The following RBFOX1 variants were observed in gnomAD, a reference collection of about 807,000 sequenced individuals.
RBFOX1 encodes the protein RNA binding fox-1 homolog 1.
RBFOX1 carries 8 observed loss-of-function variants against 57.7 expected under a neutral mutation model. The ratio of observed to expected loss-of-function variants is 0.14; its 90% CI spans 0.08 to 0.25. The LOEUF (loss-of-function observed/expected upper bound fraction) is 0.25, where lower values mean the gene tolerates loss of function less well. Among genes scored for constraint, RBFOX1 ranks in the 10% least tolerant of loss-of-function variants. RBFOX1 has a pLI of 1.00. For missense variants in RBFOX1, 611 were observed against 548.5 expected, an observed-to-expected ratio of 1.11 and a Z score of -1.14; for synonymous variants, 326 against 222.4, an observed-to-expected ratio of 1.47 and a Z score of -4.15.
At chr16:6,067,194 C>A (rs992647972) in intron 1 of RBFOX1, among the ~76,000 whole-genome samples, 1 of 152,164 alleles carries the variant, frequency 6.6e-6, no homozygotes, top group Non-Finnish European at 1.5e-5. Flanking sequence ...GAACTCCTTA[C>A]GTCCTCGATT....
chr16:5,492,931 T>A (rs889180924), intron 2 of RBFOX1, among the ~76,000 whole-genome samples: 10 of 152,212 alleles, frequency 6.6e-5, no homozygotes, highest in Non-Finnish European at 1.3e-4. Flanking sequence ...CCTGTTCACT[T>A]CTTTTGACCC....
At chr16:6,024,002 G>A (rs186096171) in intron 1 of RBFOX1, among the ~76,000 whole-genome samples, 3 of 152,310 alleles carry the variant, frequency 2.0e-5, no homozygotes, top group South Asian at 2.1e-4. Context: ...TCGGTCGTAG[G>A]GCTAGGAGTT....
chr16:6,841,866 C>T (rs931107249), intron 3 of RBFOX1, among the ~76,000 whole-genome samples: 74 of 151,902 alleles, frequency 4.9e-4, no homozygotes, highest in African/African-American at 1.6e-3. Flanking sequence ...AGGCCGGGCG[C>T]GGTGGCTCAC....
intron 3 of RBFOX1, among the ~76,000 whole-genome samples, chr16:5,828,609 G>C (rs2056158349): frequency 6.6e-6 from 1 of 152,122 alleles, no homozygotes; most frequent in Admixed American, 6.5e-5. Context: ...CGAGGCAGGA[G>C]GATCGGTTGA....
intron 4 of RBFOX1, among the ~76,000 whole-genome samples, chr16:5,944,235 C>A (rs1041970641): frequency 2.0e-5 from 3 of 152,192 alleles, no homozygotes; most frequent in African/African-American, 7.2e-5. Context: ...GATACATGGG[C>A]TACACTCCTT....
At chr16:7,333,841 C>T (rs1191529860) in intron 4 of RBFOX1, among the ~76,000 whole-genome samples, 1 of 152,070 alleles carries the variant, frequency 6.6e-6, no homozygotes, top group South Asian at 2.1e-4. Context: ...CTGAAGTTCT[C>T]CGTTGAAAGC....
chr16:7,244,774 C>T (rs1007856451), intron 4 of RBFOX1, among the ~76,000 whole-genome samples: 1 of 152,174 alleles, frequency 6.6e-6, no homozygotes, highest in African/African-American at 2.4e-5. Context: ...TCATCACACT[C>T]GAAGGAGGCA....
intron 2 of RBFOX1, among the ~76,000 whole-genome samples, chr16:5,482,670 G>T (rs1003160160): frequency 4.6e-5 from 7 of 152,276 alleles, no homozygotes; most frequent in Admixed American, 3.9e-4. Context: ...GCCTGCTAGG[G>T]GCATGAGGCA....
intron 5 of RBFOX1, among the ~76,000 whole-genome samples, chr16:7,528,628 C>T (rs1376036165): frequency 6.6e-6 from 1 of 152,160 alleles, no homozygotes; most frequent in East Asian, 1.9e-4. Context: ...TAGCTCAGTA[C>T]TGCCTCCTGA....
In RBFOX1 at chr16:7,442,721, G is replaced by A. The variant is rs533167127; in HGVS notation, c.28-75426G>A. 1.1e-3 allele frequency among the ~76,000 whole-genome samples: 170 copies of A among 152,254 alleles called. 2 individuals carry two copies. Among genetic ancestry groups the A allele is most frequent in the Middle Eastern group, 3.4e-3 (1 of 294 alleles). On this transcript the variant is annotated intron_variant, in intron 4 of 15. Transcript: ENST00000550418. ...CTTTTACGAGGGTGGATGGTTGTCC[G>A]TCTTGTCAACCGGAACGAGAAAGAC...
chr16:6,729,639 C>G (rs2068046411), intron 3 of RBFOX1, among the ~76,000 whole-genome samples: 1 of 152,144 alleles, frequency 6.6e-6, no homozygotes, highest in African/African-American at 2.4e-5. Context: ...GAAAGTACCT[C>G]ATTCTCTTCT....
chr16:7,303,175 G>T (rs117718833), intron 4 of RBFOX1, among the ~76,000 whole-genome samples: 1,634 of 152,314 alleles, frequency 0.011, 26 homozygotes, highest in East Asian at 0.086. Flanking sequence ...CTCAGGGGCT[G>T]GTTCGCTGGC....
At chr16:6,847,981 C>T (rs577183495) in intron 3 of RBFOX1, among the ~76,000 whole-genome samples, 16 of 152,180 alleles carry the variant, frequency 1.1e-4, no homozygotes, top group African/African-American at 3.9e-4. Context: ...AGGCACCTGC[C>T]ACCATGCCCG....
intron 3 of RBFOX1, among the ~76,000 whole-genome samples, chr16:5,709,646 T>C (rs1192641074): frequency 6.6e-6 from 1 of 150,556 alleles, no homozygotes. Flanking sequence ...TCTTGCTGCA[T>C]TCTTACATAG....
intron 1 of RBFOX1, among the ~76,000 whole-genome samples, chr16:6,304,159 G>A (rs1220251473): frequency 6.6e-6 from 1 of 151,700 alleles, no homozygotes; most frequent in African/African-American, 2.4e-5. Context: ...GTGGTGGCAG[G>A]TGCCTGTAGT....
At chr16:6,531,444 A>G (rs751772047) in intron 2 of RBFOX1, among the ~76,000 whole-genome samples, 2 of 152,194 alleles carry the variant, frequency 1.3e-5, no homozygotes, top group East Asian at 1.9e-4. Flanking sequence ...CCTAAGACCT[A>G]TGGATGTCCT....
chr16:5,918,653 C>T (rs187322928), intron 4 of RBFOX1, among the ~76,000 whole-genome samples: 2 of 152,186 alleles, frequency 1.3e-5, no homozygotes, highest in South Asian at 2.1e-4. Flanking sequence ...GTAGGCATTC[C>T]TTATCTCCAG....
At chr16:7,022,335 G>A (rs2039556117) in intron 3 of RBFOX1, among the ~76,000 whole-genome samples, 1 of 151,652 alleles carries the variant, frequency 6.6e-6, no homozygotes, top group African/African-American at 2.4e-5. Context: ...TTGCAGGCAT[G>A]AACCACCACT....
intron 1 of RBFOX1, among the ~76,000 whole-genome samples, chr16:5,377,581 A>T (rs1437810654): frequency 1.4e-5 from 2 of 142,210 alleles, no homozygotes; most frequent in Non-Finnish European, 3.0e-5. Context: ...AAGAGAGGAG[A>T]TGGGGGGAGA....
Sources: allele counts gnomAD v4.1 joint callset (sites outside exome capture counted in the v4.1 genomes callset), GRCh38; gene constraint gnomAD v4.1.1; transcripts MANE v1.5; gene names NCBI Gene and HGNC (gene_info 2026-07-23, HGNC 2026-07-21).